Variants in GLRA3 observed in about 807,000 individuals in gnomAD.
GLRA3 encodes glycine receptor subunit alpha-3.
A neutral mutation model predicts 60.4 loss-of-function variants in GLRA3; 44 were observed. The observed-to-expected ratio is 0.73, with a 90% CI of 0.57 to 0.94. The LOEUF is 0.94. Among genes scored for constraint, GLRA3 ranks in the 40% least tolerant of loss-of-function variants. GLRA3 has a pLI of 0.00. For missense variants in GLRA3, 508 were observed against 564.6 expected (o/e 0.90, Z 1.02); for synonymous variants, 223 against 192.9 (o/e 1.16, Z -1.29).
At chr4:174,655,779 A>T (rs1733171638) in intron 9 of GLRA3, among the ~76,000 whole-genome samples, 1 of 152,134 alleles carries the variant, frequency 6.6e-6, no homozygotes, top group Non-Finnish European at 1.5e-5. Flanking sequence ...CTGGGAAATA[A>T]GATGTAAACT....
At chr4:174,657,776 T>C (rs1271574204) in intron 8 of GLRA3, among the ~76,000 whole-genome samples, 2 of 152,132 alleles carry the variant, frequency 1.3e-5, no homozygotes, top group Admixed American at 6.6e-5. Context: ...CATCACAATA[T>C]GTTTCAGTGT....
chr4:174,828,782 T>G lies in GLRA3; in HGVS notation c.30A>C (p.Leu10Phe). The change falls in exon 1 of 10, where the codon TTA (leucine) becomes TTC (phenylalanine). Residue 10 changes from leucine to phenylalanine, a missense_variant. Physicochemically the swap from Leu to Phe is conservative, Grantham distance 22 (BLOSUM62 0). Transcript: ENST00000274093. ...CTTCCCAGAAGTAAAATCCCGAAAC[T>G]AATGTCCGAAAGTGTCTCACGTGGG... MAHVRHFRT[L>F]VSGFYFWEAA... 6.2e-7 allele frequency: 1 copy of G among 1,612,282 alleles called. No individual in the cohort carries two copies. Among genetic ancestry groups the G allele is most frequent in the Non-Finnish European group, 8.5e-7 (1 of 1,178,320 alleles).
At chr4:174,705,360 A>G (rs1288699315) in intron 5 of GLRA3, among the ~76,000 whole-genome samples, 1 of 144,252 alleles carries the variant, frequency 6.9e-6, no homozygotes, top group South Asian at 2.2e-4. Flanking sequence ...GAGCCAATAC[A>G]TTTCTATCCA....
intron 3 of GLRA3, among the ~76,000 whole-genome samples, chr4:174,759,356 ATTT>A (rs1579562626): frequency 1.3e-5 from 2 of 152,100 alleles, no homozygotes; most frequent in East Asian, 3.8e-4. Context: ...TTAAAAGCCT[ATTT>A]TAATAATGAA....
At chr4:174,821,617 G>A (rs966548342) in intron 1 of GLRA3, among the ~76,000 whole-genome samples, 6 of 152,142 alleles carry the variant, frequency 3.9e-5, no homozygotes, top group South Asian at 2.1e-4. Flanking sequence ...TTTCTTGGAA[G>A]TCAGTTACAA....
At chr4:174,753,302 A>G (rs1046982723) in intron 3 of GLRA3, among the ~76,000 whole-genome samples, 4 of 152,152 alleles carry the variant, frequency 2.6e-5, no homozygotes, top group African/African-American at 9.7e-5. Context: ...TGCCGTTTGA[A>G]CGGTCCAGAG....
At chr4:174,657,265 C>A (rs1733244747) in intron 8 of GLRA3, among the ~76,000 whole-genome samples, 1 of 152,208 alleles carries the variant, frequency 6.6e-6, no homozygotes, top group East Asian at 1.9e-4. Flanking sequence ...TTGTCTAATA[C>A]TTTTTCTACT....
chr4:174,779,846 C>A (rs546109674), intron 2 of GLRA3, among the ~76,000 whole-genome samples: 2 of 151,860 alleles, frequency 1.3e-5, no homozygotes, highest in Non-Finnish European at 2.9e-5. Flanking sequence ...ATTGGTGTAC[C>A]TGAAAGTGAT....
chr4:174,688,957 G>C (rs977009829), intron 5 of GLRA3, among the ~76,000 whole-genome samples: 5 of 152,058 alleles, frequency 3.3e-5, no homozygotes, highest in African/African-American at 1.2e-4. Context: ...ATAGAAATGA[G>C]AGTATCTAAT....
intron 5 of GLRA3, among the ~76,000 whole-genome samples, chr4:174,695,251 C>A (rs1735003180): frequency 6.6e-6 from 1 of 151,888 alleles, no homozygotes; most frequent in African/African-American, 2.4e-5. Context: ...AGGCCAGAAT[C>A]ATCTTGATAC....
intron 1 of GLRA3, among the ~76,000 whole-genome samples, chr4:174,823,380 C>T (rs1740826435): frequency 6.6e-6 from 1 of 152,048 alleles, no homozygotes. Context: ...AAAAATTTAG[C>T]TGGGCGTGGT....
chr4:174,817,234 G>A (rs772954297), intron 1 of GLRA3, among the ~76,000 whole-genome samples: 19 of 152,242 alleles, frequency 1.2e-4, no homozygotes, highest in Admixed American at 3.3e-4. Context: ...AAGCCTCTTC[G>A]TTCTGATGGC....
In GLRA3 at chr4:174,677,138, C is replaced by T. The variant is rs867869646; in HGVS notation, c.867G>A (p.Gly289=). 1.9e-6 allele frequency: 3 copies of T among 1,613,462 alleles called. No homozygotes were observed. The highest frequency in any genetic ancestry group is 2.2e-5 in the South Asian group (2 of 91,074). ...MDAAPARVAL[G]ITTVLTMTTQ... The stretch of plus-strand genomic sequence containing the variant: ...TAGTCATCGTTAGCACAGTGGTTAT[C>T]CCCAGAGCTACCCTGGCCGGTGCTG... Residue 289 remains glycine, a synonymous_variant, in exon 7 of 10, where the codon GGG becomes GGA. Coordinates refer to ENST00000274093, the MANE Select transcript of GLRA3 (RefSeq NM_006529.4).
chr4:174,689,620 C>T (rs769883696), intron 5 of GLRA3, among the ~76,000 whole-genome samples: 4 of 151,678 alleles, frequency 2.6e-5, no homozygotes, highest in Admixed American at 6.6e-5. Context: ...TTCTACACTC[C>T]GTCCATATGT....
At chr4:174,755,991 A>G (rs1737681161) in intron 3 of GLRA3, among the ~76,000 whole-genome samples, 1 of 152,174 alleles carries the variant, frequency 6.6e-6, no homozygotes, top group African/African-American at 2.4e-5. Context: ...AGATGTGGTA[A>G]GTGTATGTAA....
intron 7 of GLRA3, among the ~76,000 whole-genome samples, chr4:174,663,827 C>A (rs1284284975): frequency 6.6e-6 from 1 of 152,290 alleles, no homozygotes; most frequent in East Asian, 1.9e-4. Flanking sequence ...TCTTTGCTCC[C>A]CCTCCTGTAT....
At chr4:174,711,615 T>C (rs1239325006) in intron 5 of GLRA3, among the ~76,000 whole-genome samples, 1 of 151,940 alleles carries the variant, frequency 6.6e-6, no homozygotes, top group African/African-American at 2.4e-5. Flanking sequence ...AATTTTTGTA[T>C]TTTTAGTAGA....
In GLRA3 at chr4:174,716,670, A is replaced by C. The variant is rs78047386; in HGVS notation, c.492-1100T>G. On this transcript the variant is annotated intron_variant, in intron 4 of 9. Transcript: ENST00000274093. ...GATTACTTCAAATCCCCTATATTGCAGTTTTCTCATCTTTAAAATGAAGAT... is the reference window on the plus strand; with the variant it reads ...GATTACTTCAAATCCCCTATATTGCCGTTTTCTCATCTTTAAAATGAAGAT... Among the ~76,000 whole-genome samples, 137 of 152,264 alleles carry C rather than the reference A, an allele frequency of 9.0e-4. 1 individual carries two copies. In the East Asian group the frequency reaches 0.026, roughly 29 times the overall value.
intron 2 of GLRA3, among the ~76,000 whole-genome samples, chr4:174,787,919 C>T (rs1254808062): frequency 1.3e-5 from 2 of 151,938 alleles, no homozygotes; most frequent in African/African-American, 2.4e-5. Flanking sequence ...TTTTTTACTC[C>T]ATTCTAGTTA....
Sources: allele counts gnomAD v4.1 joint callset (sites outside exome capture counted in the v4.1 genomes callset), GRCh38; gene constraint gnomAD v4.1.1; transcripts MANE v1.5; gene names NCBI Gene and HGNC (gene_info 2026-07-23, HGNC 2026-07-21).